Variants in NEMP2 observed in about 807,000 individuals in gnomAD.
The protein encoded by NEMP2 is UPF0571 transmembrane protein.
In NEMP2, 53 loss-of-function variants were observed where a neutral mutation model predicts 54.2. That is an observed-to-expected ratio of 0.98 (90% CI 0.78 to 1.23). The LOEUF (loss-of-function observed/expected upper bound fraction) is 1.23. Among genes scored for constraint, NEMP2 ranks in the 50% most tolerant of loss-of-function variants. The pLI is 0.00. For synonymous variants in NEMP2, 197 were observed against 190.3 expected, an observed-to-expected ratio of 1.04 and a Z score of -0.29; for missense variants, 455 against 511.3, an observed-to-expected ratio of 0.89 and a Z score of 1.06.
chr2:190,500,369 A>C, downstream of NEMP2: 1 of 765,434 alleles, frequency 1.3e-6, no homozygotes, highest in Non-Finnish European at 2.1e-6. The surrounding 1 kb of genome is among the most constrained non-coding windows in gnomAD (Gnocchi z 5.3). Flanking sequence ...GGAAACACAC[A>C]CACAGGAGCT....
the NEMP2 span, chr2:190,437,376 A>G: frequency 2.5e-6 from 4 of 1,614,240 alleles, no homozygotes; most frequent in African/African-American, 2.7e-5. The surrounding 1 kb of genome is among the most constrained non-coding windows in gnomAD (Gnocchi z 5.9). Context: ...AGTATGGCTC[A>G]GTGCTGTTTG....
At chr2:190,616,837 T>C in the NEMP2 span, 1 of 152,148 alleles carries the variant, frequency 6.6e-6, no homozygotes, top group Non-Finnish European at 1.5e-5. This position sits in a 1 kb window ranked among gnomAD's most constrained non-coding sequence, Gnocchi z 5.1. Context: ...GGCCAGGTGT[T>C]GTGGCTGATG....
the NEMP2 span, among the ~76,000 whole-genome samples, chr2:190,482,868 CTTTTTTTTTTT>C: frequency 8.3e-3 from 402 of 48,226 alleles, no homozygotes; most frequent in Non-Finnish European, 0.011. Flanking sequence ...AGACTATCAT[CTTTTTTTTTTT>C]TTTTTTTTTT....
At position 190,519,052 on chromosome 2, in the gene NEMP2, G is replaced by A. The variant is rs61995721; in HGVS notation, c.345C>T (p.Asn115=). The change falls in exon 3 of 9, where the codon AAC becomes AAT. Residue 115 remains asparagine, a synonymous_variant. Coordinates refer to ENST00000409150, the MANE Select transcript of NEMP2 (RefSeq NM_001142645.2). The surrounding 1 kb of genome is among the most constrained non-coding windows in gnomAD (Gnocchi z 5.4). The part of the protein sequence containing the change: ...IHNFWIPKES[N]EITIIINPYR... ...ATGGATTGATGATTATGGTTATTTC[G>A]TTAGATTCCTTTGGTATCCAAAAGT... 0.013 allele frequency: 19,634 copies of A among 1,550,990 alleles called. 398 individuals are homozygous for A. The highest frequency in any genetic ancestry group is 0.079 in the South Asian group (6,630 of 84,006).
chr2:190,436,244 A>G, the NEMP2 span: 2 of 1,614,018 alleles, frequency 1.2e-6, no homozygotes, highest in Non-Finnish European at 1.7e-6. This position sits in a 1 kb window ranked among gnomAD's most constrained non-coding sequence, Gnocchi z 5.3. Context: ...CTAATTTCCA[A>G]GGTCTTTTAT....
chr2:190,630,067 G>A, the NEMP2 span, among the ~76,000 whole-genome samples: 30 of 152,294 alleles, frequency 2.0e-4, no homozygotes, highest in African/African-American at 6.7e-4. The surrounding 1 kb of genome is among the most constrained non-coding windows in gnomAD (Gnocchi z 5.5). Context: ...AAGGCACTTT[G>A]CTTGTTGACT....
At chr2:190,463,217 G>T in the NEMP2 span, among the ~76,000 whole-genome samples, 1 of 152,160 alleles carries the variant, frequency 6.6e-6, no homozygotes, top group Non-Finnish European at 1.5e-5. This position sits in a 1 kb window ranked among gnomAD's most constrained non-coding sequence, Gnocchi z 4.4. Context: ...TCTAGACTAA[G>T]ATTTAATTCT....
At chr2:190,647,818 T>A in the NEMP2 span, among the ~76,000 whole-genome samples, 2 of 146,982 alleles carry the variant, frequency 1.4e-5, no homozygotes, top group Non-Finnish European at 3.0e-5. Context: ...GGGTTCAAGC[T>A]ATTCTCCCGC....
chr2:190,512,632 T>G lies in NEMP2; in HGVS notation c.953+1821A>C, dbSNP rs1441834649. ...ACACACTCTGCTCTTGGCAGGGAGC[T>G]GGATGGTTAAAGGGAAGGAAGAAGG... On this transcript the variant is annotated intron_variant, in intron 7 of 8. Transcript: ENST00000409150. This position sits in a 1 kb window ranked among gnomAD's most constrained non-coding sequence, Gnocchi z 4.5. 6.6e-6 allele frequency among the ~76,000 whole-genome samples: 1 copy of G among 152,168 alleles called. No homozygotes were observed. Among genetic ancestry groups the G allele is most frequent in the East Asian group, 1.9e-4 (1 of 5,190 alleles).
the NEMP2 span, among the ~76,000 whole-genome samples, chr2:190,441,250 C>G: frequency 6.6e-6 from 1 of 152,012 alleles, no homozygotes; most frequent in Non-Finnish European, 1.5e-5. Context: ...GTTCTCGTGT[C>G]TTCTACTTGG....
chr2:190,628,920 A>G, the NEMP2 span, among the ~76,000 whole-genome samples: 27 of 152,306 alleles, frequency 1.8e-4, no homozygotes, highest in East Asian at 4.4e-3. The surrounding 1 kb of genome is among the most constrained non-coding windows in gnomAD (Gnocchi z 4.1). Flanking sequence ...TTGACTCCAT[A>G]AGGCTTCTGA....
At chr2:190,443,711 C>G in the NEMP2 span, among the ~76,000 whole-genome samples, 1 of 152,194 alleles carries the variant, frequency 6.6e-6, no homozygotes, top group Admixed American at 6.5e-5. This position sits in a 1 kb window ranked among gnomAD's most constrained non-coding sequence, Gnocchi z 4.2. Context: ...ACTCCTGATA[C>G]AGCCTTTATA....
rs775621267 is a variant in NEMP2 at position 190,519,076 on chromosome 2, G to C, written c.321C>G (p.Asn107Lys). Residue 107 changes from asparagine (N) to lysine (K), a missense_variant, in exon 3 of 9, where the codon AAC becomes AAG. Physicochemically the swap from Asn to Lys is moderately conservative, Grantham distance 94. Transcript: ENST00000409150. The surrounding 1 kb of genome is among the most constrained non-coding windows in gnomAD (Gnocchi z 5.4). ...ILSFIKCVIH[N>K]FWIPKESNEI... The stretch of plus-strand genomic sequence containing the variant: ...CGTTAGATTCCTTTGGTATCCAAAA[G>C]TTATGAATCACACATTTGATAAAAG... The C allele has an allele frequency of 9.9e-5, 153 of 1,550,826 alleles. No homozygotes were observed. The highest frequency in any genetic ancestry group is 1.3e-4 in the Non-Finnish European group (144 of 1,146,652).
At chr2:190,451,264 A>G in the NEMP2 span, among the ~76,000 whole-genome samples, 1 of 152,188 alleles carries the variant, frequency 6.6e-6, no homozygotes, top group Admixed American at 6.5e-5. This position sits in a 1 kb window ranked among gnomAD's most constrained non-coding sequence, Gnocchi z 5.0. Context: ...CAGGTTCCTC[A>G]TTGGTAAAAC....
At chr2:190,441,808 A>G in the NEMP2 span, among the ~76,000 whole-genome samples, 1 of 151,828 alleles carries the variant, frequency 6.6e-6, no homozygotes, top group East Asian at 1.9e-4. Context: ...CTCCAACAAC[A>G]TTCTCTCCTC....
Position 190,514,426 on chromosome 2 carries a change from T to A in NEMP2, c.953+27A>T. The A allele has an allele frequency of 1.3e-6, 2 of 1,535,636 alleles. No homozygotes were observed. Among genetic ancestry groups the A allele is most frequent in the Non-Finnish European group, 8.8e-7 (1 of 1,134,254 alleles). On this transcript the variant is annotated intron_variant, in intron 7 of 8. Transcript: ENST00000409150. This position sits in a 1 kb window ranked among gnomAD's most constrained non-coding sequence, Gnocchi z 5.7. ...AAAACTAGAGCTCAAAATGTCAAAT[T>A]TGCTGGGGGAAAAAAATGATACATA...
At chr2:190,634,338 TTTA>T in the NEMP2 span, among the ~76,000 whole-genome samples, 1 of 152,222 alleles carries the variant, frequency 6.6e-6, no homozygotes, top group Non-Finnish European at 1.5e-5. The surrounding 1 kb of genome is among the most constrained non-coding windows in gnomAD (Gnocchi z 6.8). Flanking sequence ...TTTCTAAGCA[TTTA>T]TTTTTATTTT....
the NEMP2 span, among the ~76,000 whole-genome samples, chr2:190,476,142 A>G: frequency 3.9e-5 from 6 of 152,258 alleles, no homozygotes; most frequent in South Asian, 4.1e-4. Flanking sequence ...CATTCAGGAC[A>G]TAGGCATGGG....
the NEMP2 span, among the ~76,000 whole-genome samples, chr2:190,486,665 C>T: frequency 6.6e-6 from 1 of 152,154 alleles, no homozygotes; most frequent in Non-Finnish European, 1.5e-5. Flanking sequence ...AATTTAGTCC[C>T]TGTTATTCCA....
Sources: gnomAD v4.1 joint callset for allele counts (sites outside exome capture counted in the v4.1 genomes callset) on GRCh38, gnomAD v4.1.1 for gene constraint, Gnocchi (gnomAD v3.1) non-coding constraint, MANE v1.5 for transcripts, NCBI Gene and HGNC (gene_info 2026-07-23, HGNC 2026-07-21) for gene names.